Variants in ITSN2 observed in about 807,000 individuals in gnomAD.
ITSN2 encodes intersectin-2.
A neutral mutation model predicts 243.7 loss-of-function variants in ITSN2; 156 were observed. That is an observed-to-expected ratio of 0.64 (90% confidence interval 0.56 to 0.73). ITSN2 has a LOEUF of 0.73. Ranked by LOEUF, ITSN2 falls within the 30% of genes least tolerant of loss-of-function variation. The pLI is 0.00. For synonymous variants in ITSN2, 703 were observed against 699.9 expected (o/e 1.00, Z -0.07); for missense variants, 1,801 against 1,996.1 (o/e 0.90, Z 1.86).
At position 24,249,403 on chromosome 2, in the gene ITSN2, T is replaced by C. The variant is rs940086251; in HGVS notation, c.3121-521A>G. Among the ~76,000 whole-genome samples the C allele has an allele frequency of 6.6e-6, 1 of 152,154 alleles. No homozygotes were observed. The highest frequency in any genetic ancestry group is 2.1e-4 in the South Asian group (1 of 4,826). On this transcript the variant is annotated intron_variant, in intron 25 of 39. Coordinates refer to ENST00000355123, the MANE Select transcript of ITSN2 (RefSeq NM_006277.3). The surrounding 1 kb of genome is among the most constrained non-coding windows in gnomAD (Gnocchi z 4.4). ...CTGACCTAAGAACAAAAAATCCCTATCCTGTGTAGCAACTATTACTTCTGT... is the reference window on the plus strand; with the variant it reads ...CTGACCTAAGAACAAAAAATCCCTACCCTGTGTAGCAACTATTACTTCTGT...
chr2:24,209,843 T>C lies in ITSN2; in HGVS notation c.4448A>G (p.Asn1483Ser), dbSNP rs369035944. The C allele has an allele frequency of 8.7e-6, 14 of 1,613,996 alleles. No individual in the cohort carries two copies. Among genetic ancestry groups the C allele is most frequent in the South Asian group, 2.2e-5 (2 of 91,088 alleles). The change falls in exon 35 of 40, where the codon AAT becomes AGT. Residue 1483 changes from asparagine (N) to serine (S), a missense_variant. Asn to Ser is a conservative substitution (Grantham distance 46, BLOSUM62 1). Around this residue, in one of 5 missense-constraint regions of ITSN2, gnomAD observed 928 missense variants for 1,065.4 expected, o/e 0.87. Transcript: ENST00000355123. ...CGTTTTATACATTTTGAATTGAGCA[T>C]TGGACTTCGAGCTGAAAAGTTTCTC... ...GSEKLFSSKSNAQFKMYKTPI... is the reference protein window; with the variant it reads ...GSEKLFSSKSSAQFKMYKTPI...
At position 24,216,138 on chromosome 2, in the gene ITSN2, A is replaced by G; in HGVS notation, c.3901T>C (p.Tyr1301His). The G allele has an allele frequency of 6.2e-7, 1 of 1,613,154 alleles. No homozygotes were observed. The highest frequency in any genetic ancestry group is 8.5e-7 in the Non-Finnish European group (1 of 1,179,556). ...AGCTGGCAGCTGCAGAACCTGATGT[A>G]AGCCTGCATGTGGGACAGCTCAGCG... ...LAAELSHMQA[Y>H]IRFCSCQLNG... Residue 1301 changes from tyrosine to histidine, a missense_variant, in exon 32 of 40, where the codon TAC becomes CAC. Physicochemically the swap from Tyr to His is moderately conservative, Grantham distance 83. This residue lies in a region of ITSN2 where 928 missense variants were observed against 1,065.4 expected (regional missense o/e 0.87). Coordinates refer to ENST00000355123, the MANE Select transcript of ITSN2 (RefSeq NM_006277.3).
chr2:24,248,582 C>T lies in ITSN2; in HGVS notation c.3288+47G>A, dbSNP rs774762117. Reference sequence around the variant, plus strand: ...AATTTTATCTTTTTTATGGAGCATGCAGTACTTTTATAATAAAATTTATAG... The same window carrying T: ...AATTTTATCTTTTTTATGGAGCATGTAGTACTTTTATAATAAAATTTATAG... On this transcript the variant is annotated intron_variant, in intron 27 of 39. Transcript: ENST00000355123. The T allele has an allele frequency of 6.1e-6, 9 of 1,483,200 alleles. No homozygotes were observed. The Admixed American group carries it at 1.8e-4, about 30-fold the overall frequency. The allele number at this position is 1,483,200 out of a possible 1,614,324, so 91.9% of individuals were successfully genotyped here.
intron 1 of ITSN2, among the ~76,000 whole-genome samples, chr2:24,344,281 T>C (rs1240247496): frequency 2.0e-5 from 3 of 152,208 alleles, no homozygotes; most frequent in African/African-American, 7.2e-5. Flanking sequence ...CTCATCCTCA[T>C]ATATATACTG....
intron 20 of ITSN2, 148 bp downstream of exon 20, chr2:24,270,523 A>C: frequency 1.8e-6 from 1 of 557,896 alleles, no homozygotes; most frequent in Non-Finnish European, 3.2e-6. Flanking sequence ...GCAGCTCTGA[A>C]GTATGTTGTA....
chr2:24,321,873 G>T (rs1190230026), intron 2 of ITSN2: 1 of 152,092 alleles, frequency 6.6e-6, no homozygotes, highest in Non-Finnish European at 1.5e-5. Flanking sequence ...TGAGCCCCCA[G>T]CATTAACCTA....
chr2:24,206,345 G>A (rs1403869874), intron 37 of ITSN2: 3 of 375,934 alleles, frequency 8.0e-6, no homozygotes, highest in Non-Finnish European at 1.6e-5. Flanking sequence ...CCAGGCAGGA[G>A]GGCAGGCTGC....
Position 24,210,847 on chromosome 2 carries a change from C to T in ITSN2, c.4190G>A (p.Arg1397Gln), listed in dbSNP as rs139218934. 3.8e-5 allele frequency: 62 copies of T among 1,613,982 alleles called. No individual in the cohort carries two copies. Among genetic ancestry groups the T allele is most frequent in the Middle Eastern group, 1.6e-4 (1 of 6,084 alleles). The change falls in exon 34 of 40, where the codon CGG becomes CAG. Residue 1397 changes from arginine to glutamine, a missense_variant. Physicochemically the swap from Arg to Gln is conservative, Grantham distance 43. Coordinates refer to ENST00000355123, the MANE Select transcript of ITSN2 (RefSeq NM_006277.3). Reference protein sequence around the residue: ...ELCSQVNEGVREKENSDRLEW... With the variant: ...ELCSQVNEGVQEKENSDRLEW... ...CAGTCGGTCCGAGTTTTCCTTCTCCCGAACTCCCTCATTCACTTGAGAGCA... is the reference window on the plus strand; with the variant it reads ...CAGTCGGTCCGAGTTTTCCTTCTCCTGAACTCCCTCATTCACTTGAGAGCA...
chr2:24,313,595 A>T, intron 3 of ITSN2, 72 bp from the exon 4 acceptor site: 1 of 984,500 alleles, frequency 1.0e-6, no homozygotes, highest in Non-Finnish European at 1.6e-6. Context: ...CTGAATAATA[A>T]TGGGTATATG....
chr2:24,272,286 AG>A (rs1677462417), intron 18 of ITSN2, among the ~76,000 whole-genome samples: 1 of 152,146 alleles, frequency 6.6e-6, no homozygotes, highest in Admixed American at 6.5e-5. Context: ...ATTACATCTA[AG>A]TTTCCTTCCT....
At chr2:24,217,675 G>C (rs978487838) in intron 31 of ITSN2, among the ~76,000 whole-genome samples, 1 of 152,100 alleles carries the variant, frequency 6.6e-6, no homozygotes, top group Non-Finnish European at 1.5e-5. Flanking sequence ...GTTGTTTAAT[G>C]ATTTAATTTT....
At chr2:24,207,639 C>T (rs1231993965) in intron 37 of ITSN2, among the ~76,000 whole-genome samples, 1 of 151,906 alleles carries the variant, frequency 6.6e-6, no homozygotes, top group African/African-American at 2.4e-5. Flanking sequence ...AAGGCAGCGC[C>T]TCAGTGACTG....
chr2:24,319,541 C>T (rs984487988), intron 2 of ITSN2, among the ~76,000 whole-genome samples: 7 of 152,162 alleles, frequency 4.6e-5, no homozygotes, highest in African/African-American at 1.7e-4. Flanking sequence ...GGTCTTCCCC[C>T]ACCCCCAATC....
At chr2:24,355,569 T>C (rs1042431005) in intron 1 of ITSN2, among the ~76,000 whole-genome samples, 5 of 152,176 alleles carry the variant, frequency 3.3e-5, no homozygotes, top group Non-Finnish European at 5.9e-5. Context: ...TTACACCTTA[T>C]ACAAAAATTA....
Position 24,248,650 on chromosome 2 carries a change from C to G in ITSN2, c.3267G>C (p.Gly1089=). 1 of 1,609,252 alleles carries G rather than the reference C, an allele frequency of 6.2e-7. No homozygotes were observed. Among genetic ancestry groups the G allele is most frequent in the Non-Finnish European group, 8.5e-7 (1 of 1,176,798 alleles). ...LILILKKNTS[G]WWQGELQARG... is the part of the protein sequence containing the mutation. ...TTACCTGTAACTCTCCTTGCCACCA[C>G]CCACTTGTATTTTTCTTTAGAATTA... Residue 1089 remains glycine, a synonymous_variant, in exon 27 of 40, where the codon GGG becomes GGC. Transcript: ENST00000355123.
chr2:24,234,478 TGAAA>T (rs1277534815), intron 29 of ITSN2, among the ~76,000 whole-genome samples: 1 of 152,064 alleles, frequency 6.6e-6, no homozygotes, highest in Non-Finnish European at 1.5e-5. Flanking sequence ...ACACAATCCA[TGAAA>T]GAAAGAGTTG....
intron 2 of ITSN2, among the ~76,000 whole-genome samples, chr2:24,318,897 T>A (rs190602335): frequency 6.6e-6 from 1 of 152,324 alleles, no homozygotes; most frequent in East Asian, 1.9e-4. Context: ...CACTACCACC[T>A]GAGCGGCACC....
At chr2:24,300,765 G>A (rs567663422) in intron 11 of ITSN2, among the ~76,000 whole-genome samples, 2 of 152,028 alleles carry the variant, frequency 1.3e-5, no homozygotes, top group East Asian at 1.9e-4. Flanking sequence ...AAGCTGTGTG[G>A]TTATACATTT....
chr2:24,234,483 G>C (rs1441461181), intron 29 of ITSN2, among the ~76,000 whole-genome samples: 1 of 152,132 alleles, frequency 6.6e-6, no homozygotes, highest in Non-Finnish European at 1.5e-5. Context: ...ATCCATGAAA[G>C]AAAGAGTTGA....
Sources: allele counts gnomAD v4.1 joint callset (sites outside exome capture counted in the v4.1 genomes callset), GRCh38; gene constraint gnomAD v4.1.1; regional missense constraint gnomAD v4.1.1; non-coding constraint Gnocchi (gnomAD v3.1); transcripts MANE v1.5; gene names NCBI Gene and HGNC (gene_info 2026-07-23, HGNC 2026-07-21).